Variants in PDE5A observed in about 807,000 individuals in gnomAD.
PDE5A encodes the protein phosphodiesterase 5A.
Under a neutral mutation model 110.2 loss-of-function variants are expected in PDE5A, and 67 were observed. The ratio of observed to expected loss-of-function variants is 0.61; its 90% confidence interval spans 0.50 to 0.75. PDE5A has a LOEUF of 0.75. PDE5A is among the 30% of genes least tolerant of loss of function. The pLI is 0.00. For missense variants in PDE5A, 862 were observed against 1,045.1 expected, an observed-to-expected ratio of 0.82 and a Z score of 2.42; for synonymous variants, 328 against 351.2, an observed-to-expected ratio of 0.93 and a Z score of 0.74.
intron 2 of PDE5A, among the ~76,000 whole-genome samples, chr4:119,602,025 A>G (rs1729364082): frequency 6.6e-6 from 1 of 152,178 alleles, no homozygotes; most frequent in Admixed American, 6.5e-5. Flanking sequence ...CCTGAATACT[A>G]TCTTGGATTG....
chr4:119,599,102 G>A (rs1729251168), intron 2 of PDE5A, among the ~76,000 whole-genome samples: 1 of 152,052 alleles, frequency 6.6e-6, no homozygotes, highest in Admixed American at 6.6e-5. Context: ...CATATAGTTG[G>A]GGGTACTCCC....
chr4:119,617,107 T>G (rs116585222), intron 1 of PDE5A, among the ~76,000 whole-genome samples: 3,288 of 152,256 alleles, frequency 0.022, 119 homozygotes, highest in African/African-American at 0.075. Flanking sequence ...TGTAACTGTA[T>G]GGCATATAAT....
At chr4:119,513,484 C>A (rs1009914014) in intron 14 of PDE5A, among the ~76,000 whole-genome samples, 2 of 152,142 alleles carry the variant, frequency 1.3e-5, no homozygotes, top group Non-Finnish European at 2.9e-5. Context: ...TTCCTGCTCC[C>A]TGGGGTCATA....
At chr4:119,537,613 G>A (rs960112548) in intron 11 of PDE5A, among the ~76,000 whole-genome samples, 1 of 151,696 alleles carries the variant, frequency 6.6e-6, no homozygotes, top group African/African-American at 2.4e-5. Flanking sequence ...CTACCTCTCT[G>A]CATTCTCTCC....
At chr4:119,603,673 T>C (rs937922175) in intron 2 of PDE5A, among the ~76,000 whole-genome samples, 1 of 152,190 alleles carries the variant, frequency 6.6e-6, no homozygotes, top group African/African-American at 2.4e-5. Context: ...GTTTTAAAAG[T>C]GAACTAAATA....
intron 9 of PDE5A, chr4:119,543,653 C>T (rs1727029312): frequency 6.6e-6 from 1 of 152,260 alleles, no homozygotes; most frequent in African/African-American, 2.4e-5. Context: ...CAGCCTGCCA[C>T]AAGGGCCACT....
At chr4:119,612,396 G>T (rs1339169779) in intron 1 of PDE5A, among the ~76,000 whole-genome samples, 1 of 152,064 alleles carries the variant, frequency 6.6e-6, no homozygotes, top group Non-Finnish European at 1.5e-5. Flanking sequence ...CCACCATCCC[G>T]TCCTTGTTCT....
At chr4:119,620,755 C>A (rs1730114301) in intron 1 of PDE5A, among the ~76,000 whole-genome samples, 1 of 152,142 alleles carries the variant, frequency 6.6e-6, no homozygotes. Flanking sequence ...CCAACTACTG[C>A]CCTGCAATTT....
At chr4:119,502,237 A>C (rs1176879680) in intron 19 of PDE5A, among the ~76,000 whole-genome samples, 1 of 152,146 alleles carries the variant, frequency 6.6e-6, no homozygotes, top group Non-Finnish European at 1.5e-5. Context: ...CAAATATTAC[A>C]CCAAGGGACG....
In PDE5A at chr4:119,627,070, G is replaced by A. The variant is rs545443550; in HGVS notation, c.152+1450C>T. 3.2e-5 allele frequency: 50 copies of A among 1,547,888 alleles called. No homozygotes were observed. The Middle Eastern group carries it at 3.2e-3, about 100-fold the overall frequency. On this transcript the variant is annotated intron_variant, in intron 1 of 20. Coordinates refer to ENST00000354960, the MANE Select transcript of PDE5A (RefSeq NM_001083.4). This position sits in a 1 kb window ranked among gnomAD's most constrained non-coding sequence, Gnocchi z 4.6. ...ACATCGTCCCACTGGTGCCACCGGG[G>A]CGCCACCACCCAGCACCCGAGACCC...
intron 3 of PDE5A, among the ~76,000 whole-genome samples, chr4:119,591,890 G>A (rs1311887532): frequency 1.3e-5 from 2 of 152,184 alleles, no homozygotes; most frequent in East Asian, 1.9e-4. Flanking sequence ...AGTGGCTCAC[G>A]CCTGTAATCC....
At chr4:119,520,758 G>A (rs935354474) in intron 13 of PDE5A, among the ~76,000 whole-genome samples, 177 bp downstream of exon 13, 3 of 152,054 alleles carry the variant, frequency 2.0e-5, no homozygotes, top group African/African-American at 7.2e-5. Context: ...AATTAGCAAC[G>A]AAGTAGTTTT....
intron 14 of PDE5A, among the ~76,000 whole-genome samples, chr4:119,514,632 G>A (rs1279060236): frequency 1.3e-5 from 2 of 151,940 alleles, no homozygotes; most frequent in South Asian, 2.1e-4. Flanking sequence ...ACAGGGCTCC[G>A]CTTCTTTGTT....
chr4:119,552,146 C>T (rs1381504165), intron 9 of PDE5A: 1 of 152,236 alleles, frequency 6.6e-6, no homozygotes, highest in East Asian at 1.9e-4. Context: ...TCCCAACTGC[C>T]AAGAACAGTG....
At chr4:119,576,904 T>C (rs1303678056) in intron 3 of PDE5A, among the ~76,000 whole-genome samples, 1 of 151,924 alleles carries the variant, frequency 6.6e-6, no homozygotes, top group East Asian at 1.9e-4. Context: ...CAGGAGCTGG[T>C]TTTTTGAAAA....
Position 119,525,603 on chromosome 4 carries a change from T to C in PDE5A, c.1725A>G (p.Thr575=). The C allele has an allele frequency of 6.2e-7, 1 of 1,613,338 alleles. No homozygotes were observed. The highest frequency in any genetic ancestry group is 1.1e-5 in the South Asian group (1 of 91,044). The change falls in exon 12 of 21, where the codon ACA becomes ACG. Residue 575 remains threonine (T), a synonymous_variant. Coordinates refer to ENST00000354960, the MANE Select transcript of PDE5A (RefSeq NM_001083.4). This position sits in a 1 kb window ranked among gnomAD's most constrained non-coding sequence, Gnocchi z 4.3. ...GGTTGAGGTCAGTAAACATCCGAAT[T>C]GTACACAGTGCTGTTTCCAGATCAG... ...ELSDLETALC[T]IRMFTDLNLV... is the part of the protein sequence containing the mutation.
rs2095175258 is a variant in PDE5A at position 119,495,255 on chromosome 4, C to T, written c.*3346G>A. ...GCACCTCCTTCAGGGACCGTGAGCT[C>T]CTTGGGGTCACTGCTCTGTCTCCAC... On this transcript the variant is annotated 3_prime_UTR_variant, in exon 21 of 21. Coordinates refer to ENST00000354960, the MANE Select transcript of PDE5A (RefSeq NM_001083.4). The T allele has an allele frequency of 6.6e-6, 1 of 152,078 alleles. No homozygotes were observed. The highest frequency in any genetic ancestry group is 2.4e-5 in the African/African-American group (1 of 41,416). The allele number at this position is 152,078 out of a possible 1,614,324, so 9.4% of individuals were successfully genotyped here. A position where few individuals can be genotyped will look rare whatever the true frequency, so the allele number is the denominator to read the frequency against.
intron 3 of PDE5A, among the ~76,000 whole-genome samples, chr4:119,577,119 CT>C (rs1728384823): frequency 6.6e-6 from 1 of 152,144 alleles, no homozygotes; most frequent in Non-Finnish European, 1.5e-5. Flanking sequence ...AACATACCCC[CT>C]CCCAAGACTA....
chr4:119,626,746 C>T (rs1157608177), intron 1 of PDE5A, among the ~76,000 whole-genome samples: 1 of 152,164 alleles, frequency 6.6e-6, no homozygotes, highest in Non-Finnish European at 1.5e-5. Flanking sequence ...CAGGGCTATC[C>T]TCTGGGCGCT....
Sources: allele counts gnomAD v4.1 joint callset (sites outside exome capture counted in the v4.1 genomes callset), GRCh38; gene constraint gnomAD v4.1.1; non-coding constraint Gnocchi (gnomAD v3.1); transcripts MANE v1.5; gene names NCBI Gene and HGNC (gene_info 2026-07-23, HGNC 2026-07-21).